Variants in ICA1L observed in about 807,000 individuals in gnomAD.
ICA1L encodes islet cell autoantigen 1-like protein.
A neutral mutation model predicts 61.3 loss-of-function variants in ICA1L; 50 were observed. The observed-to-expected ratio is 0.82, with a 90% confidence interval of 0.65 to 1.03. The LOEUF (loss-of-function observed/expected upper bound fraction) is 1.03, where lower values mean the gene tolerates loss of function less well. Among genes scored for constraint, ICA1L ranks in the 50% least tolerant of loss-of-function variants. The pLI is 0.00. For missense variants in ICA1L, 508 were observed against 556.7 expected (o/e 0.91, Z 0.88); for synonymous variants, 161 against 191.3 (o/e 0.84, Z 1.31).
At chr2:202,819,587 TG>T in intron 5 of ICA1L, 113 bp downstream of exon 5, 1 of 819,546 alleles carries the variant, frequency 1.2e-6, no homozygotes, top group Non-Finnish European at 2.0e-6. Flanking sequence ...CAACCAAGAA[TG>T]TATAATGAAA....
chr2:202,840,799 T>C, intron 1 of ICA1L: 1 of 605,964 alleles, frequency 1.7e-6, no homozygotes. Context: ...CCAGGGAAAC[T>C]CTCTGGCCTT....
intron 12 of ICA1L, among the ~76,000 whole-genome samples, chr2:202,780,466 A>G (rs185182427): frequency 7.9e-4 from 120 of 152,310 alleles, no homozygotes; most frequent in African/African-American, 2.7e-3. Flanking sequence ...AAGAGTGTAT[A>G]TTTGGGCTGA....
intron 6 of ICA1L, among the ~76,000 whole-genome samples, chr2:202,816,293 A>C (rs1419213826): frequency 6.6e-6 from 1 of 152,212 alleles, no homozygotes; most frequent in Admixed American, 6.5e-5. Context: ...ATGAAAACTT[A>C]GGGATCAGAA....
At chr2:202,850,389 G>A (rs1340312838) in intron 1 of ICA1L, among the ~76,000 whole-genome samples, 2 of 152,132 alleles carry the variant, frequency 1.3e-5, no homozygotes, top group Non-Finnish European at 2.9e-5. Context: ...TAAGAACCTT[G>A]ATAAAAGGTT....
chr2:202,821,867 T>G (rs1693711342), intron 3 of ICA1L: 1 of 154,296 alleles, frequency 6.5e-6, no homozygotes. Flanking sequence ...CTATTTAAAC[T>G]TGTTAATTTA....
Position 202,827,286 on chromosome 2 carries a change from C to G in ICA1L, c.163-1519G>C, listed in dbSNP as rs185970462. Among the ~76,000 whole-genome samples, 5 of 151,894 alleles carry G rather than the reference C, an allele frequency of 3.3e-5. No homozygotes were observed. The South Asian group carries it at 1.0e-3, about 32-fold the overall frequency. ...GCAGGCTCCTGTAATCCCAGCTATT[C>G]AGAAGCTGAGGCAGGAGAATCGCTT... On this transcript the variant is annotated intron_variant, in intron 2 of 12. Coordinates refer to ENST00000358299, the MANE Select transcript of ICA1L (RefSeq NM_001288622.3).
At chr2:202,806,066 C>T (rs1001296222) in intron 9 of ICA1L, among the ~76,000 whole-genome samples, 3 of 152,186 alleles carry the variant, frequency 2.0e-5, no homozygotes, top group Non-Finnish European at 4.4e-5. Flanking sequence ...CTGTGGCTCA[C>T]GCCTGTAATC....
At chr2:202,844,836 T>C (rs1227613602) in intron 1 of ICA1L, among the ~76,000 whole-genome samples, 1 of 152,180 alleles carries the variant, frequency 6.6e-6, no homozygotes, top group Non-Finnish European at 1.5e-5. Context: ...CAAAATTAAT[T>C]TACTGTCTTC....
chr2:202,853,968 G>A (rs922750069), intron 1 of ICA1L, among the ~76,000 whole-genome samples: 6 of 152,226 alleles, frequency 3.9e-5, no homozygotes, highest in Admixed American at 3.9e-4. Flanking sequence ...ATGATACTAC[G>A]AAGAAACTGC....
chr2:202,808,139 G>A (rs1693275623), intron 9 of ICA1L, among the ~76,000 whole-genome samples: 1 of 152,172 alleles, frequency 6.6e-6, no homozygotes, highest in Admixed American at 6.5e-5. Context: ...CACCAGCTTG[G>A]CCACAGTGGG....
At position 202,811,718 on chromosome 2, in the gene ICA1L, T is replaced by C. The variant is rs560492319; in HGVS notation, c.910+28A>G. On this transcript the variant is annotated intron_variant, in intron 9 of 12. Coordinates refer to ENST00000358299, the MANE Select transcript of ICA1L (RefSeq NM_001288622.3). ...TATTTTGACATTTAAAATGTGACCATTTCAAAGTAATAAATTTACCATCTT... is the reference window on the plus strand; with the variant it reads ...TATTTTGACATTTAAAATGTGACCACTTCAAAGTAATAAATTTACCATCTT... The C allele has an allele frequency of 8.5e-5, 122 of 1,440,196 alleles. 1 individual carries two copies. In the Middle Eastern group the frequency reaches 1.1e-3, roughly 13 times the overall value. 89.2% of individuals were successfully genotyped at this position (1,440,196 alleles called of 1,614,324 possible).
At chr2:202,851,259 GTGTT>G (rs1372206886) in intron 1 of ICA1L, among the ~76,000 whole-genome samples, 1 of 151,758 alleles carries the variant, frequency 6.6e-6, no homozygotes, top group South Asian at 2.1e-4. Context: ...AGAACATGCA[GTGTT>G]TGTTTTTTTG....
At chr2:202,830,617 G>A (rs567601228) in intron 1 of ICA1L, among the ~76,000 whole-genome samples, 1 of 152,270 alleles carries the variant, frequency 6.6e-6, no homozygotes, top group East Asian at 1.9e-4. Context: ...TGACTCATTC[G>A]TTATTTCCAG....
At chr2:202,853,273 C>A (rs559469303) in intron 1 of ICA1L, among the ~76,000 whole-genome samples, 1 of 150,512 alleles carries the variant, frequency 6.6e-6, no homozygotes, top group Non-Finnish European at 1.5e-5. Flanking sequence ...AGGAGAACGG[C>A]GTGAACCCAG....
chr2:202,865,815 T>C (rs1388021033), intron 1 of ICA1L, among the ~76,000 whole-genome samples: 1 of 152,188 alleles, frequency 6.6e-6, no homozygotes, highest in Non-Finnish European at 1.5e-5. Flanking sequence ...TTGGTAGAGA[T>C]GGAGTCTCCC....
At chr2:202,826,452 T>C (rs1344590420) in intron 2 of ICA1L, among the ~76,000 whole-genome samples, 1 of 152,102 alleles carries the variant, frequency 6.6e-6, no homozygotes, top group East Asian at 1.9e-4. Flanking sequence ...CAAGCAAGCA[T>C]AAGTTTTACA....
intron 1 of ICA1L, among the ~76,000 whole-genome samples, chr2:202,857,643 A>C (rs1023637412): frequency 4.6e-5 from 7 of 152,234 alleles, no homozygotes; most frequent in African/African-American, 1.7e-4. Context: ...ATTAAACTAA[A>C]GAGCTTCTGC....
At chr2:202,822,021 A>T (rs1012290515) in intron 3 of ICA1L, among the ~76,000 whole-genome samples, 1 of 152,220 alleles carries the variant, frequency 6.6e-6, no homozygotes, top group Non-Finnish European at 1.5e-5. Flanking sequence ...ATTGGTCCAG[A>T]ATCCTCTGTT....
chr2:202,840,778 G>A (rs1038002832), intron 1 of ICA1L: 19 of 596,504 alleles, frequency 3.2e-5, no homozygotes, highest in African/African-American at 1.3e-4. Flanking sequence ...AGGCATCTGC[G>A]ATGGCAGCCT....
Sources: allele counts gnomAD v4.1 joint callset (sites outside exome capture counted in the v4.1 genomes callset), GRCh38; gene constraint gnomAD v4.1.1; transcripts MANE v1.5; gene names NCBI Gene and HGNC (gene_info 2026-07-23, HGNC 2026-07-21).